ME3: variants seen among roughly 807,000 people sequenced by gnomAD.
The protein encoded by ME3 is NADP-dependent malic enzyme, mitochondrial.
ME3 carries 48 observed loss-of-function variants against 68.9 expected under a neutral mutation model. That is an observed-to-expected ratio of 0.70 (90% CI 0.55 to 0.89). The LOEUF (loss-of-function observed/expected upper bound fraction) is 0.89. ME3 is among the 40% of genes least tolerant of loss of function. The pLI, the probability that ME3 is intolerant of heterozygous loss-of-function variation, is 0.00. For synonymous variants in ME3, 320 were observed against 318.8 expected (o/e 1.00, Z -0.04); for missense variants, 675 against 797.4 (o/e 0.85, Z 1.85).
chr11:86,662,071 T>C (rs1946318943), intron 2 of ME3, among the ~76,000 whole-genome samples: 1 of 152,030 alleles, frequency 6.6e-6, no homozygotes. Flanking sequence ...CCAGTGGAAG[T>C]GAAAAAAGCT....
intron 8 of ME3, among the ~76,000 whole-genome samples, chr11:86,460,014 C>T (rs943691515): frequency 6.6e-6 from 1 of 152,234 alleles, no homozygotes. Context: ...GGACCTGGCC[C>T]CTTGTGTGGC....
intron 2 of ME3, among the ~76,000 whole-genome samples, chr11:86,572,288 T>A (rs1406387719): frequency 1.3e-5 from 2 of 148,222 alleles, no homozygotes; most frequent in African/African-American, 5.0e-5. Flanking sequence ...TTTTTTTTTT[T>A]AAACCTCTGG....
At chr11:86,446,042 G>C (rs1427980533) in intron 13 of ME3, among the ~76,000 whole-genome samples, 2 of 152,138 alleles carry the variant, frequency 1.3e-5, no homozygotes, top group Non-Finnish European at 2.9e-5. Context: ...CTAGGACGCA[G>C]GGGGCAGTAT....
intron 8 of ME3, among the ~76,000 whole-genome samples, chr11:86,458,077 T>C (rs114255154): frequency 2.4e-4 from 36 of 152,316 alleles, no homozygotes; most frequent in South Asian, 4.1e-4. Context: ...TGGATCCCTA[T>C]TGGGACAGAA....
At chr11:86,505,897 C>T (rs1006876852) in intron 5 of ME3, among the ~76,000 whole-genome samples, 1 of 152,172 alleles carries the variant, frequency 6.6e-6, no homozygotes, top group Non-Finnish European at 1.5e-5. Context: ...GTGTACTCTG[C>T]GGTACCACAG....
At chr11:86,613,727 A>G (rs1942760438) in intron 2 of ME3, among the ~76,000 whole-genome samples, 1 of 152,182 alleles carries the variant, frequency 6.6e-6, no homozygotes, top group South Asian at 2.1e-4. Context: ...CATTGCTACA[A>G]AGAGAATAAA....
In ME3 at chr11:86,494,052, G is replaced by GA. The variant is rs57702708; in HGVS notation, c.705+3910dup. On this transcript the variant is annotated intron_variant, in intron 6 of 14. Coordinates refer to ENST00000543262, the Ensembl canonical transcript of ME3. ...GGAATATCTTGCAAACGGTTTCATT[G>GA]AAAAAAAAAAAAGGAACTGTAGTTG... Among the ~76,000 whole-genome samples, 371 of 148,866 alleles carry GA rather than the reference G, an allele frequency of 2.5e-3. 3 individuals carry two copies. Among genetic ancestry groups the GA allele is most frequent in the African/African-American group, 3.6e-3 (145 of 40,482 alleles).
At chr11:86,455,458 CA>C (rs1949860596) in intron 8 of ME3, among the ~76,000 whole-genome samples, 1 of 152,180 alleles carries the variant, frequency 6.6e-6, no homozygotes, top group African/African-American at 2.4e-5. Flanking sequence ...TAAATGATTA[CA>C]AGTGTGATGG....
rs754232392 is a variant in ME3, at chr11:86,636,299, GACTA to G, written c.183+35459_183+35462del. On this transcript the variant is annotated intron_variant, in intron 2 of 14. Coordinates refer to ENST00000543262, the Ensembl canonical transcript of ME3. ...TGTTTGTTTGTTTTAATCTATATGA[GACTA>G]ACTAAGGTATTTGCCCCTTGGAGCT... Among the ~76,000 whole-genome samples, 18 of 150,196 alleles carry G rather than the reference GACTA, an allele frequency of 1.2e-4. No individual in the cohort carries two copies. The South Asian group carries it at 1.7e-3, about 14-fold the overall frequency.
intron 4 of ME3, among the ~76,000 whole-genome samples, chr11:86,528,955 G>A (rs1401679133): frequency 1.3e-5 from 2 of 152,110 alleles, no homozygotes; most frequent in Non-Finnish European, 2.9e-5. Context: ...AACTAGAGAA[G>A]CAGGAGCAAA....
exon 7 of ME3, chr11:86,487,394 A>G (rs775692288): frequency 6.2e-7 from 1 of 1,614,124 alleles, no homozygotes; most frequent in Non-Finnish European, 8.5e-7. Flanking sequence ...CTTCCCGTGC[A>G]CGCGCTGGTG....
chr11:86,537,308 CTACA>C (rs1214854125), intron 4 of ME3, among the ~76,000 whole-genome samples: 2 of 150,924 alleles, frequency 1.3e-5, no homozygotes, highest in Non-Finnish European at 2.9e-5. Flanking sequence ...GTTCGAAGTG[CTACA>C]TAAATATAAT....
chr11:86,583,067 A>G (rs563302691), intron 2 of ME3, among the ~76,000 whole-genome samples: 1 of 152,248 alleles, frequency 6.6e-6, no homozygotes, highest in African/African-American at 2.4e-5. Flanking sequence ...CAAACCAGAT[A>G]ACCCAAGGCT....
chr11:86,562,067 G>T (rs887144880), intron 2 of ME3, among the ~76,000 whole-genome samples: 1 of 152,024 alleles, frequency 6.6e-6, no homozygotes, highest in East Asian at 1.9e-4. Flanking sequence ...GGCTTTACTT[G>T]TTCATCTCTC....
intron 4 of ME3, among the ~76,000 whole-genome samples, chr11:86,530,026 A>G (rs556114255): frequency 6.6e-6 from 1 of 152,304 alleles, no homozygotes; most frequent in East Asian, 1.9e-4. Context: ...AGGAGAAGGA[A>G]ATAAAGGGTA....
intron 2 of ME3, among the ~76,000 whole-genome samples, chr11:86,657,178 T>C (rs148622764): frequency 0.033 from 5,084 of 152,256 alleles, 286 homozygotes; most frequent in African/African-American, 0.12. Flanking sequence ...TGTATGTTTA[T>C]TGCAGCACTA....
intron 4 of ME3, among the ~76,000 whole-genome samples, chr11:86,555,011 C>T (rs1214442258): frequency 1.3e-5 from 2 of 152,064 alleles, no homozygotes; most frequent in Non-Finnish European, 2.9e-5. Context: ...GGGAGGGCTC[C>T]GTGGAGAAGT....
At position 86,587,120 on chromosome 11, in the gene ME3, T is replaced by C. The variant is rs1210610177; in HGVS notation, c.184-27297A>G. On this transcript the variant is annotated intron_variant, in intron 2 of 14. Transcript: ENST00000543262. ...TTTGTAAAGGAGGTCTTAGTTGAGC[T>C]GAGATCAAGTAGAAGTTCTGCTGAT... 2.6e-5 allele frequency among the ~76,000 whole-genome samples: 4 copies of C among 152,184 alleles called. No homozygotes were observed. The East Asian group carries it at 7.7e-4, about 29-fold the overall frequency.
At chr11:86,517,375 G>A (rs1953965072) in intron 4 of ME3, among the ~76,000 whole-genome samples, 1 of 152,184 alleles carries the variant, frequency 6.6e-6, no homozygotes, top group African/African-American at 2.4e-5. Context: ...CCTAGATGTG[G>A]GGGTCAGAGA....
Sources: gnomAD v4.1 joint callset for allele counts (sites outside exome capture counted in the v4.1 genomes callset) on GRCh38, gnomAD v4.1.1 for gene constraint, MANE v1.5 for transcripts, NCBI Gene and HGNC (gene_info 2026-07-23, HGNC 2026-07-21) for gene names.